The following EXO1 variants were observed in gnomAD, a reference collection of about 807,000 sequenced individuals.
EXO1 encodes exonuclease 1.
A neutral mutation model predicts 84.5 loss-of-function variants in EXO1; 69 were observed. The ratio of observed to expected loss-of-function variants is 0.82; its 90% confidence interval spans 0.67 to 1.00. The LOEUF (loss-of-function observed/expected upper bound fraction) is 1.00. EXO1 is among the 50% of genes least tolerant of loss of function. The pLI, the probability that EXO1 is intolerant of heterozygous loss-of-function variation, is 0.00. For missense variants in EXO1, 1,045 were observed against 1,000.7 expected (o/e 1.04, Z -0.60); for synonymous variants, 373 against 366.1 (o/e 1.02, Z -0.21).
intron 12 of EXO1, among the ~76,000 whole-genome samples, chr1:241,875,453 A>C (rs1027728779): frequency 6.6e-6 from 1 of 152,228 alleles, no homozygotes; most frequent in African/African-American, 2.4e-5. Context: ...CTTCTCAAGG[A>C]AACAGTTGCA....
intron 10 of EXO1, 85 bp from the exon 11 acceptor site, chr1:241,866,745 T>G: frequency 9.7e-7 from 1 of 1,032,400 alleles, no homozygotes; most frequent in Non-Finnish European, 1.5e-6. Context: ...ACTTAAGATG[T>G]TTATTTATAA....
chr1:241,889,666 A>G lies in EXO1; in HGVS notation c.*66A>G, dbSNP rs187291289. 1.3e-6 allele frequency: 2 copies of G among 1,485,164 alleles called. No homozygotes were observed. Among genetic ancestry groups the G allele is most frequent in the African/African-American group, 2.8e-5 (2 of 72,458 alleles). The allele number at this position is 1,485,164 out of a possible 1,614,324, so 92.0% of individuals were successfully genotyped here. The stretch of plus-strand genomic sequence containing the variant: ...ATCAATTTGAAGTCCCTGTTTGGGA[A>G]TGAGGCACTTATCAGCATGAAGAAT... On this transcript the variant is annotated 3_prime_UTR_variant, in exon 16 of 16. Coordinates refer to ENST00000366548, the MANE Select transcript of EXO1 (RefSeq NM_130398.4).
At chr1:241,856,768 C>T (rs1661071079) in intron 6 of EXO1, among the ~76,000 whole-genome samples, 4 of 152,196 alleles carry the variant, frequency 2.6e-5, no homozygotes, top group Admixed American at 2.0e-4. Flanking sequence ...AATGGCTGAA[C>T]GCTTACAATG....
chr1:241,851,592 C>G (rs2148382084), intron 4 of EXO1, among the ~76,000 whole-genome samples: 1 of 152,150 alleles, frequency 6.6e-6, no homozygotes, highest in Middle Eastern at 3.4e-3. Context: ...AATACCTGAC[C>G]CTTGATTGGA....
At chr1:241,852,247 C>T in intron 4 of EXO1, 45 bp from the exon 5 acceptor site, 1 of 1,565,182 alleles carries the variant, frequency 6.4e-7, no homozygotes, top group African/African-American at 1.4e-5. Flanking sequence ...AGAAGTATTA[C>T]CTTAAGAAAG....
intron 10 of EXO1, among the ~76,000 whole-genome samples, chr1:241,864,010 A>G (rs1290013866): frequency 6.6e-6 from 1 of 152,092 alleles, no homozygotes; most frequent in Non-Finnish European, 1.5e-5. Context: ...TTCTCAGAAT[A>G]TGATAATTTT....
intron 10 of EXO1, among the ~76,000 whole-genome samples, chr1:241,865,166 T>A (rs1370238990): frequency 7.2e-6 from 1 of 139,826 alleles, no homozygotes; most frequent in African/African-American, 2.7e-5. Flanking sequence ...CCACCACACC[T>A]GGCCACAGCA....
rs780736011 is a variant in EXO1, at chr1:241,857,384, T to C, written c.445T>C (p.Tyr149His). 1.1e-5 allele frequency: 17 copies of C among 1,613,884 alleles called. No homozygotes were observed. The highest frequency in any genetic ancestry group is 1.1e-5 in the Non-Finnish European group (13 of 1,179,928). ...SQGVDCLVAP[Y>H]EADAQLAYLN... ...GGGGGTAGATTGCCTCGTGGCTCCC[T>C]ATGAAGCTGATGCGCAGTTGGCCTA... The change falls in exon 7 of 16, where the codon TAT becomes CAT. Residue 149 changes from tyrosine (Y) to histidine (H), a missense_variant. Tyr to His is a moderately conservative substitution (Grantham distance 83). Transcript: ENST00000366548.
intron 8 of EXO1, among the ~76,000 whole-genome samples, chr1:241,859,330 C>A (rs1661242981): frequency 6.6e-6 from 1 of 152,096 alleles, no homozygotes; most frequent in Non-Finnish European, 1.5e-5. Flanking sequence ...TGTTCGTATA[C>A]AAGTTGAACA....
At chr1:241,877,498 T>C (rs900104509) in intron 12 of EXO1, among the ~76,000 whole-genome samples, 1 of 152,150 alleles carries the variant, frequency 6.6e-6, no homozygotes, top group Admixed American at 6.5e-5. Flanking sequence ...CCCCTCCCCA[T>C]ACAACTAATC....
At chr1:241,866,171 G>A (rs549778173) in intron 10 of EXO1, among the ~76,000 whole-genome samples, 11 of 152,152 alleles carry the variant, frequency 7.2e-5, no homozygotes, top group Admixed American at 2.6e-4. Flanking sequence ...TTTTTGAGAC[G>A]GAGTCTCCCT....
At chr1:241,855,556 C>T (rs1044767884) in intron 6 of EXO1, among the ~76,000 whole-genome samples, 5 of 152,256 alleles carry the variant, frequency 3.3e-5, no homozygotes, top group Non-Finnish European at 7.3e-5. Flanking sequence ...GTGAAGCTGC[C>T]TGTCAGTCCT....
Position 241,850,057 on chromosome 1 carries a change from G to A in EXO1, c.-17-352G>A, listed in dbSNP as rs531307481. ...AGCACTTTGGGAGGCCGAGGCGGGC[G>A]GATCACGAGTTCAGGAGATCGAGAC... On this transcript the variant is annotated intron_variant, in intron 3 of 15. Transcript: ENST00000366548. 2.6e-5 allele frequency among the ~76,000 whole-genome samples: 4 copies of A among 152,286 alleles called. No individual in the cohort carries two copies. The East Asian group carries it at 5.8e-4, about 22-fold the overall frequency.
At chr1:241,885,836 G>GGTTTTTT (rs61644263) in intron 15 of EXO1, among the ~76,000 whole-genome samples, 3,072 of 37,792 alleles carry the variant, frequency 0.081, 74 homozygotes, top group South Asian at 0.27. Context: ...AATTTTATTT[G>GGTTTTTT]GTTTTTTGTT....
chr1:241,858,591 T>C lies in EXO1; in HGVS notation c.629T>C (p.Phe210Ser), dbSNP rs1661197172. The C allele has an allele frequency of 6.2e-7, 1 of 1,613,976 alleles. No individual in the cohort carries two copies. Among genetic ancestry groups the C allele is most frequent in the Admixed American group, 1.7e-5 (1 of 59,996 alleles). ...LGMCRQLGDVFTEEKFRYMCI... is the reference protein window; with the variant it reads ...LGMCRQLGDVSTEEKFRYMCI... ...ATGTGCAGACAGCTTGGGGATGTAT[T>C]CACGGAAGAGAAGTTTCGTTACATG... is the stretch of plus-strand genomic sequence containing the variant. Residue 210 changes from phenylalanine (F) to serine (S), a missense_variant, in exon 8 of 16, where the codon TTC becomes TCC. By Grantham distance (155) the Phe-to-Ser change is radical. Transcript: ENST00000366548.
chr1:241,865,013 A>G (rs973816094), intron 10 of EXO1, among the ~76,000 whole-genome samples: 4 of 151,386 alleles, frequency 2.6e-5, no homozygotes, highest in Non-Finnish European at 4.4e-5. Flanking sequence ...AGCTGGAACT[A>G]CAGGCACATG....
intron 10 of EXO1, among the ~76,000 whole-genome samples, chr1:241,865,216 T>TC (rs1661646400): frequency 1.7e-5 from 2 of 119,010 alleles, no homozygotes; most frequent in South Asian, 5.4e-4. Flanking sequence ...TGAATATCTC[T>TC]TTTTTTTTTT....
intron 13 of EXO1, 119 bp from the exon 14 acceptor site, chr1:241,881,794 CTTT>C: frequency 3.6e-6 from 2 of 559,978 alleles, no homozygotes; most frequent in Non-Finnish European, 6.4e-6. Context: ...TATTCATTTT[CTTT>C]TATTAATTCT....
At chr1:241,849,833 T>A (rs987562275) in intron 3 of EXO1, among the ~76,000 whole-genome samples, 4 of 152,198 alleles carry the variant, frequency 2.6e-5, no homozygotes, top group Admixed American at 2.6e-4. Flanking sequence ...GGAGTGAAAG[T>A]GCAAAAGCAC....
Sources: allele counts gnomAD v4.1 joint callset (sites outside exome capture counted in the v4.1 genomes callset), GRCh38; gene constraint gnomAD v4.1.1; transcripts MANE v1.5; gene names NCBI Gene and HGNC (gene_info 2026-07-23, HGNC 2026-07-21).